Variants in MYH4 observed in about 807,000 individuals in gnomAD.
The protein encoded by MYH4 is myosin-4.
In MYH4, 200 loss-of-function variants were observed where a neutral mutation model predicts 229.9. The observed-to-expected ratio is 0.87, with a 90% CI of 0.78 to 0.98. The LOEUF (loss-of-function observed/expected upper bound fraction) is 0.98, where lower values mean the gene tolerates loss of function less well. Among genes scored for constraint, MYH4 ranks in the 50% least tolerant of loss-of-function variants. MYH4 has a pLI of 0.00. For missense variants in MYH4, 2,148 were observed against 2,332.6 expected, an observed-to-expected ratio of 0.92 and a Z score of 1.63; for synonymous variants, 761 against 834.6, an observed-to-expected ratio of 0.91 and a Z score of 1.52.
chr17:10,468,747 A>G (rs1026294590), intron 2 of MYH4, among the ~76,000 whole-genome samples: 2 of 152,226 alleles, frequency 1.3e-5, no homozygotes, highest in East Asian at 3.8e-4. Flanking sequence ...TTTACTGATG[A>G]GGAAACTAAG....
rs764308948 is a variant in MYH4, at chr17:10,455,856, G to C, written c.2014C>G (p.His672Asp). 1 of 1,614,200 alleles carries C rather than the reference G, an allele frequency of 6.2e-7. No homozygotes were observed. The highest frequency in any genetic ancestry group is 2.2e-5 in the East Asian group (1 of 44,886). Reference sequence around the variant, plus strand: ...TTGGGGATGATGCACCGCACAAAGTGGGGGTGAGTGCTCCTCAAGTTGGTC... The same window carrying C: ...TTGGGGATGATGCACCGCACAAAGTCGGGGTGAGTGCTCCTCAAGTTGGTC... ...LMTNLRSTHP[H>D]FVRCIIPNET... is the part of the protein sequence containing the mutation. The change falls in exon 18 of 40, where the codon CAC becomes GAC. Residue 672 changes from histidine (H) to aspartate (D), a missense_variant. His to Asp is a moderately conservative substitution (Grantham distance 81, BLOSUM62 -1). Transcript: ENST00000255381.
chr17:10,452,477 C>T lies in MYH4; in HGVS notation c.3287G>A (p.Gly1096Asp). ...KKEFEMSNLQGKIEDEQALAI... is the reference protein window; with the variant it reads ...KKEFEMSNLQDKIEDEQALAI... ...AAGGGCTTGTTCATCTTCAATCTTG[C>T]CTTGCAGATTGCTCATTTCAAACTC... is the stretch of plus-strand genomic sequence containing the variant. The change falls in exon 26 of 40, where the codon GGC (glycine) becomes GAC (aspartate). Residue 1096 changes from glycine to aspartate, a missense_variant. Gly to Asp is a moderately conservative substitution (Grantham distance 94). Transcript: ENST00000255381. 6.2e-7 allele frequency: 1 copy of T among 1,614,068 alleles called. No homozygotes were observed. Among genetic ancestry groups the T allele is most frequent in the Non-Finnish European group, 8.5e-7 (1 of 1,179,976 alleles).
Position 10,466,286 on chromosome 17 carries a change from G to C in MYH4, c.335C>G (p.Ala112Gly). 5 of 1,614,016 alleles carry C rather than the reference G, an allele frequency of 3.1e-6. No homozygotes were observed. The South Asian group carries it at 5.5e-5, about 18-fold the overall frequency. Residue 112 changes from alanine (A) to glycine (G), a missense_variant, in exon 4 of 40, where the codon GCC (alanine) becomes GGC (glycine). By Grantham distance (60) the Ala-to-Gly change is moderately conservative. Transcript: ENST00000255381. ...AAGGGTGCTCACGTAGATCATCCAG[G>C]CTGCGTAACGCTCTTTGAGGTTATA... Reference protein sequence around the residue: ...VLYNLKERYAAWMIYTYSGLF... With the variant: ...VLYNLKERYAGWMIYTYSGLF...
intron 11 of MYH4, 37 bp downstream of exon 11, chr17:10,462,828 T>C (rs1185929907): frequency 6.5e-7 from 1 of 1,533,340 alleles, no homozygotes; most frequent in South Asian, 1.2e-5. Context: ...CACTGGAAAA[T>C]GAATTTACTT....
At chr17:10,460,757 T>C (rs896222899) in intron 12 of MYH4, among the ~76,000 whole-genome samples, 159 bp downstream of exon 12, 1 of 152,210 alleles carries the variant, frequency 6.6e-6, no homozygotes, top group Admixed American at 6.5e-5. Context: ...ATCACAAATC[T>C]GCTAAATAAT....
chr17:10,454,909 T>C (rs781673938), intron 21 of MYH4, 32 bp downstream of exon 21: 5 of 1,612,428 alleles, frequency 3.1e-6, no homozygotes, highest in Non-Finnish European at 4.2e-6. Context: ...TATGAAAGTG[T>C]GGAGCAGGAA....
intron 2 of MYH4, among the ~76,000 whole-genome samples, chr17:10,469,062 G>C (rs571256159): frequency 6.6e-6 from 1 of 150,756 alleles, no homozygotes; most frequent in Non-Finnish European, 1.5e-5. Context: ...TATGATGGCT[G>C]CATTCTTTCT....
Position 10,460,869 on chromosome 17 carries a change from C to T in MYH4, c.1147+47G>A, listed in dbSNP as rs201218785. 1.9e-5 allele frequency: 30 copies of T among 1,605,850 alleles called. 1 individual carries two copies. In the Middle Eastern group the frequency reaches 5.4e-4, roughly 29 times the overall value. ...ACACGGTCCCTGCCTCTGAAAAGTTCACTATGTCAGCTTTGTCAAGTGGAA... is the reference window on the plus strand; with the variant it reads ...ACACGGTCCCTGCCTCTGAAAAGTTTACTATGTCAGCTTTGTCAAGTGGAA... On this transcript the variant is annotated intron_variant, in intron 12 of 39. Coordinates refer to ENST00000255381, the MANE Select transcript of MYH4 (RefSeq NM_017533.2).
At chr17:10,464,385 C>A in intron 7 of MYH4, 87 bp downstream of exon 7, 1 of 1,143,244 alleles carries the variant, frequency 8.7e-7, no homozygotes. Context: ...ATACGTACTA[C>A]ATTTTCTGTA....
rs776642836 is a variant in MYH4 at position 10,448,859 on chromosome 17, A to G, written c.4365+5T>C. 1 of 1,613,962 alleles carries G rather than the reference A, an allele frequency of 6.2e-7. No individual in the cohort carries two copies. Among genetic ancestry groups the G allele is most frequent in the Non-Finnish European group, 8.5e-7 (1 of 1,179,964 alleles). ...CCCCCAAGGGGAGCTGGTACTGTGG[A>G]CCACCTTGTCAAAGTTTCTTTGCTT... is the stretch of plus-strand genomic sequence containing the variant. On this transcript the variant is annotated splice_donor_5th_base_variant and intron_variant, in intron 31 of 39. Coordinates refer to ENST00000255381, the MANE Select transcript of MYH4 (RefSeq NM_017533.2).
intron 7 of MYH4, 37 bp downstream of exon 7, chr17:10,464,435 A>G (rs2072738247): frequency 3.2e-6 from 5 of 1,564,774 alleles, no homozygotes; most frequent in African/African-American, 1.4e-5. Context: ...AGATTTTAAA[A>G]TCTGTTATTC....
chr17:10,448,742 A>C lies in MYH4; in HGVS notation c.4407T>G (p.Ala1469=). The change falls in exon 32 of 40, where the codon GCT becomes GCG. Residue 1469 remains alanine (A), a synonymous_variant. Coordinates refer to ENST00000255381, the MANE Select transcript of MYH4 (RefSeq NM_017533.2). ...EWKQKYEETQ[A]ELEASQKESR... is the part of the protein sequence containing the mutation. ...ACTCCTTCTGGGAGGCCTCAAGTTC[A>C]GCCTGAGTTTCCTCATACTTCTGTT... is the stretch of plus-strand genomic sequence containing the variant. 6.2e-7 allele frequency: 1 copy of C among 1,614,144 alleles called. No individual in the cohort carries two copies. The highest frequency in any genetic ancestry group is 2.2e-5 in the East Asian group (1 of 44,880).
chr17:10,447,286 C>T (rs2072522864), intron 34 of MYH4, 70 bp from the exon 35 acceptor site: 1 of 1,347,656 alleles, frequency 7.4e-7, no homozygotes, highest in Non-Finnish European at 1.0e-6. Flanking sequence ...TGGTCATGTA[C>T]ACTCTTTGAT....
Position 10,466,654 on chromosome 17 carries a change from G to A in MYH4, c.92C>T (p.Pro31Leu). Residue 31 changes from proline (P) to leucine (L), a missense_variant, in exon 3 of 40, where the codon CCT becomes CTT. Pro to Leu is a moderately conservative substitution (Grantham distance 98, BLOSUM62 -3). Transcript: ENST00000255381. ...EKERIEAQNKPFDAKTSVFVV... is the reference protein window; with the variant it reads ...EKERIEAQNKLFDAKTSVFVV... ...AAAGACTGATGTCTTGGCATCAAAA[G>A]GCTTGTTCTGAGCTTCAATTCGCTC... The A allele has an allele frequency of 6.2e-7, 1 of 1,614,144 alleles. No homozygotes were observed. The highest frequency in any genetic ancestry group is 1.1e-5 in the South Asian group (1 of 91,084).
intron 30 of MYH4, 118 bp from the exon 31 acceptor site, chr17:10,449,165 T>C: frequency 2.4e-6 from 2 of 845,762 alleles, no homozygotes; most frequent in Admixed American, 2.8e-5. Flanking sequence ...AGTTGTTGAA[T>C]TTTTCTAAAC....
In MYH4 at chr17:10,452,924, TC is replaced by T; in HGVS notation, c.3119del (p.Gly1040AspfsTer13). 1 of 1,603,328 alleles carries T rather than the reference TC, an allele frequency of 6.2e-7. No individual in the cohort carries two copies. Among genetic ancestry groups the T allele is most frequent in the Non-Finnish European group, 8.5e-7 (1 of 1,177,914 alleles). On this transcript the variant is annotated frameshift_variant, in exon 25 of 40. Coordinates refer to ENST00000255381, the MANE Select transcript of MYH4 (RefSeq NM_017533.2). LOFTEE classifies it high-confidence loss of function. ...AAAGTTTCTTTTCTTGTTCCAGAGA[TC>T]CTTCAAGCTAAATTTATGATGCATT... Reference protein sequence around the residue: ...KLEQQVDDLEGSLEQEKKLCM... With the variant: ...KLEQQVDDLEXSLEQEKKLCM...
intron 17 of MYH4, among the ~76,000 whole-genome samples, chr17:10,456,102 T>C (rs2072635775): frequency 6.6e-6 from 1 of 152,222 alleles, no homozygotes; most frequent in Admixed American, 6.5e-5. Context: ...AGTTTGTTAT[T>C]CTCAAGCACC....
chr17:10,453,653 G>T lies in MYH4; in HGVS notation c.2924C>A (p.Thr975Lys), dbSNP rs942173104. 2 of 1,613,948 alleles carry T rather than the reference G, an allele frequency of 1.2e-6. No individual in the cohort carries two copies. Among genetic ancestry groups the T allele is most frequent in the Admixed American group, 3.3e-5 (2 of 59,986 alleles). ...LAKVEKEKHA[T>K]ENKVKNLTEE... is the part of the protein sequence containing the mutation. Reference sequence around the variant, plus strand: ...GATCATGATTTGTACCTTGTTCTCTGTGGCATGTTTCTCCTTCTCAACCTT... The same window carrying T: ...GATCATGATTTGTACCTTGTTCTCTTTGGCATGTTTCTCCTTCTCAACCTT... Residue 975 changes from threonine to lysine, a missense_variant, in exon 23 of 40, where the codon ACA (threonine) becomes AAA (lysine). Transcript: ENST00000255381.
Position 10,452,201 on chromosome 17 carries a change from C to A in MYH4, c.3478G>T (p.Ala1160Ser). ...TTCATCTCAATCTGGGCTGAAGTGG[C>A]CCCACCGGCTTCTTCCAGCCTCTCA... is the stretch of plus-strand genomic sequence containing the variant. ...ISERLEEAGG[A>S]TSAQIEMNKK... The change falls in exon 27 of 40, where the codon GCC (alanine) becomes TCC (serine). Residue 1160 changes from alanine (A) to serine (S), a missense_variant. Physicochemically the swap from Ala to Ser is moderately conservative, Grantham distance 99. Transcript: ENST00000255381. 6.2e-7 allele frequency: 1 copy of A among 1,613,876 alleles called. No individual in the cohort carries two copies. The highest frequency in any genetic ancestry group is 8.5e-7 in the Non-Finnish European group (1 of 1,180,020).
Sources: allele counts gnomAD v4.1 joint callset (sites outside exome capture counted in the v4.1 genomes callset), GRCh38; gene constraint gnomAD v4.1.1; transcripts MANE v1.5; gene names NCBI Gene and HGNC (gene_info 2026-07-23, HGNC 2026-07-21).